ACO2: variants seen among roughly 807,000 people sequenced by gnomAD.
ACO2 encodes the protein aconitase 2.
Under a neutral mutation model 84.5 loss-of-function variants are expected in ACO2, and 31 were observed. The observed-to-expected ratio is 0.37, with a 90% CI of 0.28 to 0.50. The LOEUF is 0.50. Among genes scored for constraint, ACO2 ranks in the 20% least tolerant of loss-of-function variants. ACO2 has a pLI of 0.97. For missense variants in ACO2, 685 were observed against 1,029.3 expected, an observed-to-expected ratio of 0.67 and a Z score of 4.58; for synonymous variants, 414 against 412.7, an observed-to-expected ratio of 1.00 and a Z score of -0.04.
intron 1 of ACO2, among the ~76,000 whole-genome samples, chr22:41,491,569 C>A (rs1043943392): frequency 6.6e-6 from 1 of 152,112 alleles, no homozygotes; most frequent in Non-Finnish European, 1.5e-5. Flanking sequence ...GCCACAAGGG[C>A]CTTTAAAACT....
Position 41,520,296 on chromosome 22 carries a change from T to A in ACO2, c.1138+20T>A. 1 of 1,602,272 alleles carries A rather than the reference T, an allele frequency of 6.2e-7. No individual in the cohort carries two copies. Among genetic ancestry groups the A allele is most frequent in the Non-Finnish European group, 8.5e-7 (1 of 1,169,804 alleles). ...GAGTGGGTGAGCACCTTCCACCCCA[T>A]CTGTTTAGCAGGTCTCAGGGCCAGT... On this transcript the variant is annotated intron_variant, in intron 9 of 17. Coordinates refer to ENST00000216254, the MANE Select transcript of ACO2 (RefSeq NM_001098.3).
intron 2 of ACO2, among the ~76,000 whole-genome samples, chr22:41,500,665 G>A (rs554378816): frequency 4.6e-5 from 7 of 152,044 alleles, no homozygotes; most frequent in East Asian, 3.9e-4. Flanking sequence ...GATTATAGAC[G>A]TAAGCCACTG....
At chr22:41,484,028 A>G (rs1246748549) in intron 1 of ACO2, among the ~76,000 whole-genome samples, 2 of 152,174 alleles carry the variant, frequency 1.3e-5, no homozygotes, top group African/African-American at 4.8e-5. Flanking sequence ...GGAGAGTTTG[A>G]GAATGAATTT....
At chr22:41,514,555 G>C (rs372651168) in intron 4 of ACO2, among the ~76,000 whole-genome samples, 180 of 152,346 alleles carry the variant, frequency 1.2e-3, no homozygotes, top group African/African-American at 4.2e-3. Context: ...CTGGCTCAGG[G>C]CTTGCCAAGC....
chr22:41,506,683 C>T (rs973555402), intron 2 of ACO2, among the ~76,000 whole-genome samples: 3 of 152,134 alleles, frequency 2.0e-5, no homozygotes, highest in Non-Finnish European at 4.4e-5. Flanking sequence ...ACACCAGGCC[C>T]CCAGGTCAGG....
intron 12 of ACO2, 45 bp downstream of exon 12, chr22:41,523,986 G>T (rs754217400): frequency 6.4e-7 from 1 of 1,561,724 alleles, no homozygotes. Flanking sequence ...GCCTCTGGGG[G>T]TCCCTGGCGG....
At chr22:41,475,968 T>A (rs1354776824) in intron 1 of ACO2, among the ~76,000 whole-genome samples, 4 of 151,260 alleles carry the variant, frequency 2.6e-5, no homozygotes, top group Non-Finnish European at 5.9e-5. Context: ...GCTTACTGGG[T>A]AGCTTCGGGC....
At chr22:41,483,987 C>T (rs539612630) in intron 1 of ACO2, among the ~76,000 whole-genome samples, 5 of 152,168 alleles carry the variant, frequency 3.3e-5, no homozygotes, top group East Asian at 1.9e-4. Context: ...GATCTCCTGA[C>T]GCATTCATAA....
At chr22:41,474,592 CTTTTTTTTT>C (rs34289556) in intron 1 of ACO2, among the ~76,000 whole-genome samples, 1 of 29,656 alleles carries the variant, frequency 3.4e-5, no homozygotes, top group Non-Finnish European at 5.7e-5. Context: ...TGCGCCTAGC[CTTTTTTTTT>C]TTTTTTTTTT....
chr22:41,517,750 C>T (rs1374433076), intron 7 of ACO2, 119 bp downstream of exon 7: 11 of 846,194 alleles, frequency 1.3e-5, no homozygotes, highest in Middle Eastern at 2.2e-4. Context: ...TCCAGACAGG[C>T]GTCCGAGGCT....
chr22:41,527,665 G>A, intron 16 of ACO2: 3 of 788,004 alleles, frequency 3.8e-6, no homozygotes, highest in Non-Finnish European at 5.9e-6. Flanking sequence ...ATGTGCCAGG[G>A]GGTTCTTTCT....
Position 41,515,709 on chromosome 22 carries a change from T to C in ACO2, c.685-58T>C. ...GAATGGCAGCAGGGCCATCCTGACT[T>C]CGTGGCTGGCACAGGCACACACGGC... is the stretch of plus-strand genomic sequence containing the variant. On this transcript the variant is annotated intron_variant, in intron 5 of 17. Coordinates refer to ENST00000216254, the MANE Select transcript of ACO2 (RefSeq NM_001098.3). This position sits in a 1 kb window ranked among gnomAD's most constrained non-coding sequence, Gnocchi z 5.8. The C allele has an allele frequency of 6.2e-7, 1 of 1,610,208 alleles. No homozygotes were observed.
At position 41,496,950 on chromosome 22, in the gene ACO2, A is replaced by G. The variant is rs1487593906; in HGVS notation, c.37-2776A>G. On this transcript the variant is annotated intron_variant, in intron 1 of 17. Transcript: ENST00000216254. ...AGCGTTTGGATTATATATCCAGGTGACATACAGAAGGGAGCCTGGGGCAGT... is the reference window on the plus strand; with the variant it reads ...AGCGTTTGGATTATATATCCAGGTGGCATACAGAAGGGAGCCTGGGGCAGT... 5.3e-5 allele frequency among the ~76,000 whole-genome samples: 8 copies of G among 152,256 alleles called. No homozygotes were observed. The East Asian group carries it at 9.7e-4, about 18-fold the overall frequency.
intron 1 of ACO2, among the ~76,000 whole-genome samples, chr22:41,491,628 C>T (rs1401542815): frequency 6.6e-6 from 1 of 152,170 alleles, no homozygotes; most frequent in African/African-American, 2.4e-5. Context: ...TGGCAACATC[C>T]AGAGAACGAA....
intron 1 of ACO2, among the ~76,000 whole-genome samples, chr22:41,494,116 A>G (rs988787575): frequency 6.6e-6 from 1 of 152,216 alleles, no homozygotes; most frequent in African/African-American, 2.4e-5. Context: ...TGGAAAGCAG[A>G]ACGGCACAGT....
At chr22:41,470,430 A>G (rs926627498) in intron 1 of ACO2, among the ~76,000 whole-genome samples, 5 of 150,926 alleles carry the variant, frequency 3.3e-5, no homozygotes, top group African/African-American at 4.9e-5. Flanking sequence ...TTGAAACCAT[A>G]TGGTTTAAAG....
At chr22:41,490,455 T>C (rs1283039705) in intron 1 of ACO2, among the ~76,000 whole-genome samples, 1 of 152,210 alleles carries the variant, frequency 6.6e-6, no homozygotes, top group Non-Finnish European at 1.5e-5. Context: ...TGTAAACAGC[T>C]GTAGAGTGGC....
intron 4 of ACO2, among the ~76,000 whole-genome samples, chr22:41,512,577 C>T (rs964071139): frequency 1.3e-5 from 2 of 152,144 alleles, no homozygotes; most frequent in Non-Finnish European, 2.9e-5. Flanking sequence ...GCTGCTCTGC[C>T]GCCTCCCTCG....
chr22:41,469,363 G>A, intron 1 of ACO2, 181 bp downstream of exon 1: 2 of 618,878 alleles, frequency 3.2e-6, no homozygotes, highest in Non-Finnish European at 5.2e-6. Context: ...GGCGTCCCCG[G>A]CACAGTCAGC....
Sources: gnomAD v4.1 joint callset for allele counts (sites outside exome capture counted in the v4.1 genomes callset) on GRCh38, gnomAD v4.1.1 for gene constraint, Gnocchi (gnomAD v3.1) non-coding constraint, MANE v1.5 for transcripts, NCBI Gene and HGNC (gene_info 2026-07-23, HGNC 2026-07-21) for gene names.